The following NEDD4 variants were observed in gnomAD, a reference collection of about 807,000 sequenced individuals.
NEDD4 encodes E3 ubiquitin-protein ligase NEDD4.
A neutral mutation model predicts 144.9 loss-of-function variants in NEDD4; 99 were observed. That is an observed-to-expected ratio of 0.68 (90% CI 0.58 to 0.81). The LOEUF (loss-of-function observed/expected upper bound fraction) is 0.81. Ranked by LOEUF, NEDD4 falls within the 30% of genes least tolerant of loss-of-function variation. The pLI is 0.00. For missense variants in NEDD4, 985 were observed against 1,065.9 expected (o/e 0.92, Z 1.06); for synonymous variants, 318 against 350.6 (o/e 0.91, Z 1.04).
Position 55,860,431 on chromosome 15 carries a change from G to A in NEDD4, c.936C>T (p.Ala312=), listed in dbSNP as rs569656194. Residue 312 remains alanine (A), a synonymous_variant, in exon 11 of 29, where the codon GCC becomes GCT. Coordinates refer to ENST00000435532, the MANE Select transcript of NEDD4 (RefSeq NM_006154.4). ...NARLTIFGNS[A]VSQPASSSNH... is the part of the protein sequence containing the mutation. ...CTGAGCTCGATGCTGGCTGGCTCAC[G>A]GCTGAATTTCCAAAAATGGTGAGTC... The A allele has an allele frequency of 1.2e-5, 19 of 1,614,046 alleles. 1 individual carries two copies. In the East Asian group the frequency reaches 2.0e-4, roughly 17 times the overall value.
chr15:55,967,471 T>TGTGA (rs2037534530), intron 1 of NEDD4, among the ~76,000 whole-genome samples: 1 of 150,976 alleles, frequency 6.6e-6, no homozygotes, highest in Non-Finnish European at 1.5e-5. Flanking sequence ...TGTGTGTGTG[T>TGTGA]GTGTATGTGT....
chr15:55,872,493 G>A lies in NEDD4; in HGVS notation c.343-17C>T, dbSNP rs150543024. 2.9e-4 allele frequency: 370 copies of A among 1,296,716 alleles called. No homozygotes were observed. In the African/African-American group the frequency reaches 4.9e-3, roughly 17 times the overall value. 80.3% of individuals were successfully genotyped at this position (1,296,716 alleles called of 1,614,324 possible). ...ATTTTCTGTCTAGAATAAAATAGTG[G>A]GTTTTCAAAATATATCTATAACACC... On this transcript the variant is annotated splice_polypyrimidine_tract_variant and intron_variant, in intron 6 of 28. Coordinates refer to ENST00000435532, the MANE Select transcript of NEDD4 (RefSeq NM_006154.4).
At chr15:55,951,653 AC>A in intron 2 of NEDD4, 64 bp from the exon 3 acceptor site, 1 of 1,184,744 alleles carries the variant, frequency 8.4e-7, no homozygotes, top group Non-Finnish European at 1.1e-6. Flanking sequence ...AGCTCAGATT[AC>A]CCAGACTATA....
intron 5 of NEDD4, among the ~76,000 whole-genome samples, chr15:55,880,119 C>T (rs1030837407): frequency 4.6e-5 from 7 of 152,040 alleles, no homozygotes; most frequent in African/African-American, 1.4e-4. Context: ...TGGTGAAACC[C>T]CATCTCTACT....
chr15:55,876,018 T>C (rs2034979858), intron 5 of NEDD4, among the ~76,000 whole-genome samples: 1 of 152,136 alleles, frequency 6.6e-6, no homozygotes, highest in African/African-American at 2.4e-5. Flanking sequence ...CAGCCTAAAA[T>C]ACATTACACA....
intron 1 of NEDD4, among the ~76,000 whole-genome samples, chr15:55,966,773 C>G (rs1463758283): frequency 6.6e-6 from 1 of 152,160 alleles, no homozygotes; most frequent in Non-Finnish European, 1.5e-5. Flanking sequence ...ACTTATTACA[C>G]TGAATAAGAA....
chr15:55,840,814 GT>G, intron 19 of NEDD4, 87 bp from the exon 20 acceptor site: 1 of 1,310,682 alleles, frequency 7.6e-7, no homozygotes, highest in Non-Finnish European at 1.1e-6. Context: ...TTTAAGAGTT[GT>G]TTACCACTGT....
chr15:55,963,482 A>T (rs1294361638), intron 2 of NEDD4, among the ~76,000 whole-genome samples: 2 of 152,148 alleles, frequency 1.3e-5, no homozygotes, highest in Non-Finnish European at 2.9e-5. Flanking sequence ...TACAATATAC[A>T]TCATTAATCT....
chr15:55,938,544 T>C (rs2142267821), intron 4 of NEDD4, among the ~76,000 whole-genome samples: 1 of 152,236 alleles, frequency 6.6e-6, no homozygotes, highest in South Asian at 2.1e-4. Context: ...GACTTTGGTC[T>C]TGACAATGAC....
chr15:55,921,798 A>G (rs1371497788), intron 5 of NEDD4, among the ~76,000 whole-genome samples: 3 of 152,216 alleles, frequency 2.0e-5, no homozygotes, highest in African/African-American at 7.2e-5. Flanking sequence ...TACACAGTAA[A>G]TGCTTAAGGA....
Position 55,847,024 on chromosome 15 carries a change from T to C in NEDD4, c.1553A>G (p.Tyr518Cys), listed in dbSNP as rs746211690. The C allele has an allele frequency of 4.4e-6, 7 of 1,606,592 alleles. No individual in the cohort carries two copies. The Admixed American group carries it at 1.2e-4, about 27-fold the overall frequency. ...ATACTTTCTTTTGTAATCCCTGGAG[T>C]AGGGCACTGCCTTTAGTTGGAAATT... is the stretch of plus-strand genomic sequence containing the variant. ...NVAITGPAVPYSRDYKRKYEF... is the reference protein window; with the variant it reads ...NVAITGPAVPCSRDYKRKYEF... The change falls in exon 18 of 29, where the codon TAC becomes TGC. Residue 518 changes from tyrosine (Y) to cysteine (C), a missense_variant. Physicochemically the swap from Tyr to Cys is radical, Grantham distance 194. Coordinates refer to ENST00000435532, the MANE Select transcript of NEDD4 (RefSeq NM_006154.4).
chr15:55,945,321 G>C (rs1212561177), intron 4 of NEDD4, among the ~76,000 whole-genome samples: 1 of 152,110 alleles, frequency 6.6e-6, no homozygotes, highest in East Asian at 1.9e-4. Context: ...GACCTTAAAT[G>C]ACCTGATGGA....
chr15:55,916,355 AT>A, intron 5 of NEDD4: 1 of 1,614,040 alleles, frequency 6.2e-7, no homozygotes, highest in Non-Finnish European at 8.5e-7. Flanking sequence ...TGTAAGACCC[AT>A]TATCACTGGT....
intron 14 of NEDD4, among the ~76,000 whole-genome samples, chr15:55,850,046 C>G (rs550906621): frequency 3.9e-5 from 6 of 152,234 alleles, no homozygotes; most frequent in Admixed American, 2.0e-4. Context: ...TGATCTCCCC[C>G]CTCGGCCTCC....
At chr15:55,877,576 A>C (rs1193045415) in intron 5 of NEDD4, among the ~76,000 whole-genome samples, 4 of 152,164 alleles carry the variant, frequency 2.6e-5, no homozygotes, top group African/African-American at 9.7e-5. Context: ...GAGGTTATGT[A>C]AATAGCCCAT....
intron 5 of NEDD4, among the ~76,000 whole-genome samples, chr15:55,891,561 T>C (rs1475621469): frequency 1.3e-5 from 2 of 152,196 alleles, no homozygotes; most frequent in African/African-American, 4.8e-5. Context: ...GCCTACTTCA[T>C]AAAACAAATT....
intron 4 of NEDD4, among the ~76,000 whole-genome samples, chr15:55,949,394 G>A (rs533876274): frequency 1.6e-4 from 24 of 152,178 alleles, no homozygotes; most frequent in African/African-American, 2.2e-4. Context: ...ACAGTGTGGC[G>A]ATTCCTCAAG....
At chr15:55,967,440 C>CATATGTG (rs2037532530) in intron 1 of NEDD4, among the ~76,000 whole-genome samples, 1 of 142,264 alleles carries the variant, frequency 7.0e-6, no homozygotes, top group Non-Finnish European at 1.5e-5. Flanking sequence ...CATAACTATG[C>CATATGTG]TGTGTGTGTG....
rs781100521 is a variant in NEDD4 at position 55,856,146 on chromosome 15, T to C, written c.1011A>G (p.Gln337=). 2.5e-6 allele frequency: 4 copies of C among 1,613,114 alleles called. No individual in the cohort carries two copies. The highest frequency in any genetic ancestry group is 1.7e-6 in the Non-Finnish European group (2 of 1,179,444). The stretch of plus-strand genomic sequence containing the variant: ...TAAAACTCACCACAGGAAGTGTAGG[T>C]TGTTCCTCAAAAGTATAGGCTTGTA... ...GSLQAYTFEE[Q]PTLPVLLPTS... Residue 337 remains glutamine (Q), a synonymous_variant, in exon 12 of 29, where the codon CAA becomes CAG. Transcript: ENST00000435532.
Sources: gnomAD v4.1 joint callset for allele counts (sites outside exome capture counted in the v4.1 genomes callset) on GRCh38, gnomAD v4.1.1 for gene constraint, MANE v1.5 for transcripts, NCBI Gene and HGNC (gene_info 2026-07-23, HGNC 2026-07-21) for gene names.